PAK5: variants seen among roughly 807,000 people sequenced by gnomAD.
PAK5 encodes p21 (RAC1) activated kinase 5.
Under a neutral mutation model 65.9 loss-of-function variants are expected in PAK5, and 16 were observed. The observed-to-expected ratio is 0.24, with a 90% CI of 0.16 to 0.37. PAK5 has a LOEUF of 0.37. PAK5 is among the 10% of genes least tolerant of loss of function. PAK5 has a pLI of 1.00. For missense variants in PAK5, 785 were observed against 903.9 expected (o/e 0.87, Z 1.69); for synonymous variants, 371 against 354.9 (o/e 1.05, Z -0.51).
chr20:9,590,486 C>A lies in PAK5; in HGVS notation c.205-9556G>T, dbSNP rs116357899. On this transcript the variant is annotated intron_variant, in intron 3 of 9. Coordinates refer to ENST00000353224, the MANE Select transcript of PAK5 (RefSeq NM_177990.4). ...TGGTAGGGTTGAGTTGCAAGAGAGA[C>A]TATATGGCCTGCAAGGTGTAAAATA... Among the ~76,000 whole-genome samples the A allele has an allele frequency of 3.0e-3, 455 of 152,118 alleles. 2 individuals are homozygous for A. Among genetic ancestry groups the A allele is most frequent in the African/African-American group, 0.011 (438 of 41,480 alleles).
chr20:9,714,068 C>T (rs1472158053), intron 1 of PAK5, among the ~76,000 whole-genome samples: 1 of 152,042 alleles, frequency 6.6e-6, no homozygotes, highest in Non-Finnish European at 1.5e-5. Context: ...ATCTCAATTA[C>T]CTTGACTTTA....
chr20:9,826,598 G>A (rs1473285731), intron 1 of PAK5, among the ~76,000 whole-genome samples: 1 of 152,098 alleles, frequency 6.6e-6, no homozygotes, highest in Non-Finnish European at 1.5e-5. Flanking sequence ...CGAGAATTCT[G>A]CCGCAAATAT....
At chr20:9,645,588 CT>C (rs767530143) in intron 2 of PAK5, among the ~76,000 whole-genome samples, 420 of 144,456 alleles carry the variant, frequency 2.9e-3, no homozygotes, top group Middle Eastern at 3.6e-3. Flanking sequence ...TCCTACACTT[CT>C]TTTTTTTTTT....
intron 2 of PAK5, among the ~76,000 whole-genome samples, chr20:9,668,138 G>T (rs1380340250): frequency 6.6e-6 from 1 of 151,976 alleles, no homozygotes; most frequent in Non-Finnish European, 1.5e-5. Flanking sequence ...GCATGTTAGG[G>T]TATCCATCTA....
chr20:9,567,704 A>G (rs908410002), intron 4 of PAK5, among the ~76,000 whole-genome samples: 1 of 152,256 alleles, frequency 6.6e-6, no homozygotes. Context: ...ACCAACAGTC[A>G]AAATGAATGA....
chr20:9,597,141 C>T (rs2046283915), intron 3 of PAK5, among the ~76,000 whole-genome samples: 1 of 152,198 alleles, frequency 6.6e-6, no homozygotes, highest in South Asian at 2.1e-4. Flanking sequence ...CCATCTGTGG[C>T]AACTATGAAG....
chr20:9,566,504 T>C (rs1309450921), intron 4 of PAK5, 120 bp from the exon 5 acceptor site: 1 of 999,184 alleles, frequency 1.0e-6, no homozygotes, highest in Admixed American at 1.9e-5. Flanking sequence ...GATGAGAGGA[T>C]CTGGCTGGGG....
intron 1 of PAK5, among the ~76,000 whole-genome samples, chr20:9,766,376 C>CTT (rs1209159559): frequency 1.6e-4 from 7 of 44,042 alleles, no homozygotes; most frequent in African/African-American, 7.5e-4. Context: ...TATATTCAAG[C>CTT]AGAATATATA....
intron 3 of PAK5, among the ~76,000 whole-genome samples, chr20:9,611,377 C>T (rs148534699): frequency 3.9e-5 from 6 of 152,260 alleles, no homozygotes; most frequent in African/African-American, 1.4e-4. Flanking sequence ...AAGGGGATAA[C>T]GGCCTTATTA....
rs80247339 is a variant in PAK5 at position 9,538,752 on chromosome 20, G to T, written c.*710C>A. ...TTATTTTTGGTTGGATTAATGAAACGTGCACACCATCACCATCACTCTTAA... is the reference window on the plus strand; with the variant it reads ...TTATTTTTGGTTGGATTAATGAAACTTGCACACCATCACCATCACTCTTAA... On this transcript the variant is annotated 3_prime_UTR_variant, in exon 10 of 10. Coordinates refer to ENST00000353224, the MANE Select transcript of PAK5 (RefSeq NM_177990.4). The T allele has an allele frequency of 2.1e-5, 5 of 233,154 alleles. No individual in the cohort carries two copies. Among genetic ancestry groups the T allele is most frequent in the Admixed American group, 1.7e-4 (3 of 17,754 alleles). 14.4% of individuals were successfully genotyped at this position (233,154 alleles called of 1,614,324 possible).
At chr20:9,730,041 G>GA (rs33912007) in intron 1 of PAK5, among the ~76,000 whole-genome samples, 9 of 136,488 alleles carry the variant, frequency 6.6e-5, no homozygotes, top group Non-Finnish European at 9.3e-5. Flanking sequence ...GAATTGTCTC[G>GA]AAAAAAAAAA....
At chr20:9,692,869 A>G (rs2047816009) in intron 2 of PAK5, among the ~76,000 whole-genome samples, 1 of 152,092 alleles carries the variant, frequency 6.6e-6, no homozygotes, top group Non-Finnish European at 1.5e-5. Context: ...CAGTTTCTTC[A>G]TTAAAAAAAA....
intron 3 of PAK5, among the ~76,000 whole-genome samples, chr20:9,587,517 A>G (rs1324740528): frequency 6.6e-6 from 1 of 152,208 alleles, no homozygotes; most frequent in Admixed American, 6.5e-5. Flanking sequence ...TATAGAAAAG[A>G]AAAGTTGATA....
chr20:9,547,487 C>T (rs2045362529), intron 7 of PAK5, among the ~76,000 whole-genome samples: 2 of 152,172 alleles, frequency 1.3e-5, no homozygotes, highest in Non-Finnish European at 2.9e-5. Context: ...CTCCATTTTA[C>T]AGAGAAGTAA....
chr20:9,591,849 C>T (rs6140975), intron 3 of PAK5, among the ~76,000 whole-genome samples: 1 of 151,998 alleles, frequency 6.6e-6, no homozygotes, highest in Non-Finnish European at 1.5e-5. Flanking sequence ...GTTGTTTTAC[C>T]TGACATTTCA....
At chr20:9,621,630 G>A (rs1427160637) in intron 3 of PAK5, among the ~76,000 whole-genome samples, 1 of 152,092 alleles carries the variant, frequency 6.6e-6, no homozygotes, top group East Asian at 1.9e-4. Context: ...ATACCAATGG[G>A]CTTATTATCT....
intron 7 of PAK5, among the ~76,000 whole-genome samples, chr20:9,556,289 G>A (rs1036123195): frequency 7.2e-5 from 11 of 152,146 alleles, no homozygotes; most frequent in African/African-American, 2.4e-4. Context: ...GGGAAAAATC[G>A]GTAATGGGAT....
chr20:9,607,393 A>G (rs1450380385), intron 3 of PAK5, among the ~76,000 whole-genome samples: 1 of 152,264 alleles, frequency 6.6e-6, no homozygotes, highest in Non-Finnish European at 1.5e-5. Flanking sequence ...AAGACTAAAA[A>G]GAGATATGAC....
rs185648669 is a variant in PAK5 at position 9,647,692 on chromosome 20, T to A, written c.-11-3353A>T. Among the ~76,000 whole-genome samples, 9 of 152,352 alleles carry A rather than the reference T, an allele frequency of 5.9e-5. No individual in the cohort carries two copies. In the East Asian group the frequency reaches 1.7e-3, roughly 29 times the overall value. ...ACTGCATTGTGTGATACAGCACAAC[T>A]ATAATTTTAATGGTCAAACATGCAG... On this transcript the variant is annotated intron_variant, in intron 2 of 9. Coordinates refer to ENST00000353224, the MANE Select transcript of PAK5 (RefSeq NM_177990.4).
Sources: allele counts gnomAD v4.1 joint callset (sites outside exome capture counted in the v4.1 genomes callset), GRCh38; gene constraint gnomAD v4.1.1; transcripts MANE v1.5; gene names NCBI Gene and HGNC (gene_info 2026-07-23, HGNC 2026-07-21).